RAP1A: variants seen among roughly 807,000 people sequenced by gnomAD.
RAP1A encodes the protein ras-related protein Rap-1A.
RAP1A carries 6 observed loss-of-function variants against 26.4 expected under a neutral mutation model. The ratio of observed to expected loss-of-function variants is 0.23; its 90% confidence interval spans 0.12 to 0.45. The LOEUF is 0.45. RAP1A is among the 20% of genes least tolerant of loss of function. RAP1A has a pLI of 0.99. For missense variants in RAP1A, 121 were observed against 217.2 expected (o/e 0.56, Z 2.78); for synonymous variants, 73 against 79.4 (o/e 0.92, Z 0.43).
intron 1 of RAP1A, among the ~76,000 whole-genome samples, chr1:111,631,266 T>C (rs2101103696): frequency 6.6e-6 from 1 of 152,356 alleles, no homozygotes; most frequent in African/African-American, 2.4e-5. Context: ...CTTTTACTTA[T>C]GTGATTAATA....
At chr1:111,555,200 T>C (rs1035542662) in intron 1 of RAP1A, among the ~76,000 whole-genome samples, 3 of 151,604 alleles carry the variant, frequency 2.0e-5, no homozygotes, top group Non-Finnish European at 4.4e-5. Flanking sequence ...ACCCTGTCTC[T>C]ACTAAAAACA....
intron 1 of RAP1A, among the ~76,000 whole-genome samples, chr1:111,671,634 G>T (rs2477428): frequency 6.6e-6 from 1 of 151,812 alleles, no homozygotes; most frequent in Non-Finnish European, 1.5e-5. Context: ...GCCACCACAC[G>T]TGGCTAATTT....
intron 6 of RAP1A, among the ~76,000 whole-genome samples, chr1:111,706,351 T>G (rs1662190795): frequency 6.6e-6 from 1 of 152,150 alleles, no homozygotes; most frequent in Non-Finnish European, 1.5e-5. Flanking sequence ...GAGTTTTGAA[T>G]GCCTGAAGTA....
intron 1 of RAP1A, among the ~76,000 whole-genome samples, chr1:111,665,801 G>T (rs1207685094): frequency 6.6e-6 from 1 of 152,046 alleles, no homozygotes; most frequent in Non-Finnish European, 1.5e-5. Flanking sequence ...CCTTTCTTCT[G>T]GTAATTAGAA....
intron 6 of RAP1A, among the ~76,000 whole-genome samples, chr1:111,706,949 A>G (rs1004410461): frequency 1.3e-5 from 2 of 152,166 alleles, no homozygotes; most frequent in African/African-American, 4.8e-5. Context: ...TTTTTATCTT[A>G]TAGCTTATGC....
chr1:111,661,280 A>G (rs952137334), intron 1 of RAP1A, among the ~76,000 whole-genome samples: 1 of 152,160 alleles, frequency 6.6e-6, no homozygotes, highest in Non-Finnish European at 1.5e-5. Flanking sequence ...TAAATTTGTC[A>G]TTTTACAAAG....
intron 1 of RAP1A, among the ~76,000 whole-genome samples, chr1:111,574,687 G>C (rs1658111286): frequency 6.6e-6 from 1 of 152,308 alleles, no homozygotes; most frequent in African/African-American, 2.4e-5. Flanking sequence ...CTGGGACACA[G>C]CACTTTCAGG....
intron 1 of RAP1A, among the ~76,000 whole-genome samples, chr1:111,576,363 T>C (rs1220609501): frequency 6.6e-6 from 1 of 152,208 alleles, no homozygotes; most frequent in Non-Finnish European, 1.5e-5. Flanking sequence ...TATATTTGTA[T>C]ATATCATGAC....
At chr1:111,633,943 ATAG>A (rs1659649176) in intron 1 of RAP1A, among the ~76,000 whole-genome samples, 1 of 152,224 alleles carries the variant, frequency 6.6e-6, no homozygotes, top group Non-Finnish European at 1.5e-5. Flanking sequence ...CATAAGCTAT[ATAG>A]TAGGCCTTAA....
At chr1:111,587,253 A>G (rs919937511) in intron 1 of RAP1A, among the ~76,000 whole-genome samples, 1 of 152,106 alleles carries the variant, frequency 6.6e-6, no homozygotes, top group African/African-American at 2.4e-5. Context: ...ATTCTTCTCA[A>G]CAGCTCTCTC....
chr1:111,671,741 T>C (rs1660983753), intron 1 of RAP1A, among the ~76,000 whole-genome samples: 1 of 152,248 alleles, frequency 6.6e-6, no homozygotes, highest in South Asian at 2.1e-4. Context: ...CCCAAAGTGC[T>C]GGGATTACAG....
At chr1:111,680,009 G>A (rs969148875) in intron 1 of RAP1A, among the ~76,000 whole-genome samples, 2 of 152,192 alleles carry the variant, frequency 1.3e-5, no homozygotes, top group African/African-American at 4.8e-5. Context: ...GAAGAGAGCA[G>A]CAGATCTCCC....
chr1:111,647,995 T>C (rs1447701038), intron 1 of RAP1A, among the ~76,000 whole-genome samples: 2 of 152,200 alleles, frequency 1.3e-5, no homozygotes, highest in Non-Finnish European at 2.9e-5. Context: ...TAAATACTTT[T>C]TTCTGTTTAA....
At chr1:111,669,591 G>A (rs1297909557) in intron 1 of RAP1A, among the ~76,000 whole-genome samples, 2 of 152,188 alleles carry the variant, frequency 1.3e-5, no homozygotes, top group Non-Finnish European at 2.9e-5. Flanking sequence ...CATGTGAGAG[G>A]AAAATAACCC....
intron 1 of RAP1A, among the ~76,000 whole-genome samples, chr1:111,627,767 G>A (rs887778252): frequency 1.3e-5 from 2 of 151,254 alleles, no homozygotes; most frequent in African/African-American, 2.4e-5. Flanking sequence ...ATTAAAGTTG[G>A]AATTTCAGCA....
intron 1 of RAP1A, chr1:111,649,182 A>G (rs1660177458): frequency 1.9e-6 from 1 of 530,548 alleles, no homozygotes; most frequent in East Asian, 4.8e-5. Context: ...CACGTCCTCG[A>G]TGGTCTTGAA....
At chr1:111,652,901 G>A (rs540175516) in intron 1 of RAP1A, among the ~76,000 whole-genome samples, 5 of 152,140 alleles carry the variant, frequency 3.3e-5, no homozygotes, top group Non-Finnish European at 7.3e-5. Context: ...GTTATCTTAC[G>A]ACCCAGCAGT....
At chr1:111,701,366 T>C (rs1437945276) in intron 4 of RAP1A, among the ~76,000 whole-genome samples, 1 of 152,226 alleles carries the variant, frequency 6.6e-6, no homozygotes, top group Non-Finnish European at 1.5e-5. Context: ...GTTGCTCAAA[T>C]GTTACCCGTG....
chr1:111,688,265 C>CTG (rs60277735), intron 1 of RAP1A, among the ~76,000 whole-genome samples: 2,403 of 135,402 alleles, frequency 0.018, 29 homozygotes, highest in African/African-American at 0.023. Flanking sequence ...CACAAGAAGT[C>CTG]TGTGTGTGTG....
Sources: gnomAD v4.1 joint callset for allele counts (sites outside exome capture counted in the v4.1 genomes callset) on GRCh38, gnomAD v4.1.1 for gene constraint, MANE v1.5 for transcripts, NCBI Gene and HGNC (gene_info 2026-07-23, HGNC 2026-07-21) for gene names.